NBEA: variants seen among roughly 807,000 people sequenced by gnomAD.
The protein encoded by NBEA is neurobeachin, also known as lysosomal-trafficking regulator 2.
NBEA carries 44 observed loss-of-function variants against 343.4 expected under a neutral mutation model. That is an observed-to-expected ratio of 0.13 (90% CI 0.10 to 0.16). NBEA has a LOEUF of 0.16. Ranked by LOEUF, NBEA falls within the 10% of genes least tolerant of loss-of-function variation. The pLI is 1.00. For missense variants in NBEA, 2,555 were observed against 3,631.3 expected (o/e 0.70, Z 7.62); for synonymous variants, 1,175 against 1,238.7 (o/e 0.95, Z 1.08).
At chr13:35,377,371 T>G (rs1456168077) in intron 38 of NBEA, among the ~76,000 whole-genome samples, 1 of 152,192 alleles carries the variant, frequency 6.6e-6, no homozygotes, top group Non-Finnish European at 1.5e-5. Context: ...ATAGTCAATT[T>G]AGGTTGAACT....
At position 35,459,005 on chromosome 13, in the gene NBEA, G is replaced by A. The variant is rs1485820993; in HGVS notation, c.6448+6770G>A. Among the ~76,000 whole-genome samples, 8 of 100,540 alleles carry A rather than the reference G, an allele frequency of 8.0e-5. No individual in the cohort carries two copies. In the East Asian group the frequency reaches 1.5e-3, roughly 19 times the overall value. 66.0% of individuals were successfully genotyped at this position (100,540 alleles called of 152,430 possible). ...GGTAAGTTTATATTTCTTTACCACC[G>A]CCCCCCCCCCCCCACACACACACAC... On this transcript the variant is annotated intron_variant, in intron 40 of 58. Transcript: ENST00000379939.
At chr13:35,669,101 C>T (rs1462547339) in intron 58 of NBEA, among the ~76,000 whole-genome samples, 2 of 152,126 alleles carry the variant, frequency 1.3e-5, no homozygotes, top group African/African-American at 4.8e-5. Flanking sequence ...CCAGCTCTTT[C>T]TTGGAAAGAG....
chr13:35,251,456 T>G, intron 34 of NBEA: 1 of 1,060,404 alleles, frequency 9.4e-7, no homozygotes, highest in South Asian at 2.9e-5. Flanking sequence ...AACTTATCAC[T>G]CAGAGAGAGC....
At chr13:34,944,722 T>G (rs955046291) in intron 1 of NBEA, among the ~76,000 whole-genome samples, 3 of 152,204 alleles carry the variant, frequency 2.0e-5, no homozygotes, top group Admixed American at 1.3e-4. Context: ...GTAACTGTAT[T>G]TCTGTAATTT....
At chr13:35,177,181 G>T in intron 28 of NBEA, 78 bp downstream of exon 28, 3 of 1,141,526 alleles carry the variant, frequency 2.6e-6, no homozygotes, top group African/African-American at 1.6e-5. Flanking sequence ...TAAGAAAGCT[G>T]CTTATGAAAA....
At chr13:35,548,077 A>G (rs2079145659) in intron 41 of NBEA, among the ~76,000 whole-genome samples, 1 of 152,160 alleles carries the variant, frequency 6.6e-6, no homozygotes, top group Non-Finnish European at 1.5e-5. Context: ...ACACCAGAAC[A>G]GAGAAGAAAA....
intron 28 of NBEA, among the ~76,000 whole-genome samples, 154 bp downstream of exon 28, chr13:35,177,257 T>G (rs529593396): frequency 6.6e-6 from 1 of 151,942 alleles, no homozygotes; most frequent in Non-Finnish European, 1.5e-5. Flanking sequence ...TGGTTGAACC[T>G]TAGCTTTCTC....
chr13:35,314,269 G>GA (rs1167765071), intron 36 of NBEA, among the ~76,000 whole-genome samples: 3 of 152,188 alleles, frequency 2.0e-5, no homozygotes, highest in East Asian at 3.9e-4. Flanking sequence ...ATGGAGAAGA[G>GA]AAAAAACTAA....
intron 44 of NBEA, 26 bp from the exon 45 acceptor site, chr13:35,566,879 T>A: frequency 7.5e-7 from 1 of 1,341,878 alleles, no homozygotes; most frequent in Non-Finnish European, 1.0e-6. Flanking sequence ...TGTGTACAAA[T>A]TTTTATTTCT....
intron 38 of NBEA, among the ~76,000 whole-genome samples, chr13:35,355,203 A>G (rs866669527): frequency 4.4e-5 from 6 of 137,724 alleles, no homozygotes; most frequent in African/African-American, 1.2e-4. Context: ...AGCATGATAT[A>G]TAGTCTTATT....
At chr13:35,324,966 G>A (rs2038441133) in intron 36 of NBEA, among the ~76,000 whole-genome samples, 1 of 152,028 alleles carries the variant, frequency 6.6e-6, no homozygotes, top group Non-Finnish European at 1.5e-5. Context: ...ATCTAATGAA[G>A]CAAATGTGGT....
At chr13:35,075,693 A>T (rs1480087788) in intron 10 of NBEA, among the ~76,000 whole-genome samples, 2 of 145,716 alleles carry the variant, frequency 1.4e-5, no homozygotes, top group African/African-American at 2.4e-5. Context: ...CTTGCTAATT[A>T]ATCAAAGTTA....
chr13:35,159,655 C>A lies in NBEA; in HGVS notation c.3484C>A (p.Leu1162Ile), dbSNP rs772494015. The A allele has an allele frequency of 6.2e-7, 1 of 1,611,306 alleles. No homozygotes were observed. The highest frequency in any genetic ancestry group is 2.2e-5 in the East Asian group (1 of 44,712). The change falls in exon 22 of 59, where the codon CTT becomes ATT. Residue 1162 changes from leucine (L) to isoleucine (I), a missense_variant. By Grantham distance (5) the Leu-to-Ile change is conservative. Transcript: ENST00000379939. ...ACAGGAGGAAAAACTACTTCCTGAA[C>A]TTTCTAGCAATCACATTATTCCAAA... ...PKQEEKLLPELSSNHIIPNIQ... is the reference protein window; with the variant it reads ...PKQEEKLLPEISSNHIIPNIQ...
intron 41 of NBEA, among the ~76,000 whole-genome samples, chr13:35,523,984 T>A (rs1457047818): frequency 6.6e-6 from 1 of 152,220 alleles, no homozygotes; most frequent in Non-Finnish European, 1.5e-5. Flanking sequence ...ACATTGGCTT[T>A]CTATTTTCAT....
chr13:35,471,383 T>TG (rs1301691260), intron 40 of NBEA, among the ~76,000 whole-genome samples: 2 of 152,168 alleles, frequency 1.3e-5, no homozygotes, highest in Non-Finnish European at 2.9e-5. Flanking sequence ...CGACTGTTAT[T>TG]GTGACGCATC....
chr13:34,957,296 G>T (rs938958096), intron 1 of NBEA, among the ~76,000 whole-genome samples: 16 of 151,966 alleles, frequency 1.1e-4, no homozygotes, highest in Admixed American at 9.2e-4. Flanking sequence ...TAATTAAACT[G>T]GGAAGACAGT....
intron 38 of NBEA, among the ~76,000 whole-genome samples, chr13:35,393,804 A>G (rs999156613): frequency 6.6e-6 from 1 of 152,120 alleles, no homozygotes; most frequent in Admixed American, 6.6e-5. Context: ...TCTCCCTTCC[A>G]TTTAGATTTG....
chr13:35,344,684 T>C (rs1474803978), intron 36 of NBEA, among the ~76,000 whole-genome samples: 3 of 151,976 alleles, frequency 2.0e-5, no homozygotes, highest in Admixed American at 6.6e-5. Flanking sequence ...CTAGAAAATA[T>C]ACAGCTTCCT....
At chr13:35,135,174 T>G (rs900129699) in intron 17 of NBEA, among the ~76,000 whole-genome samples, 2 of 152,070 alleles carry the variant, frequency 1.3e-5, no homozygotes, top group African/African-American at 4.8e-5. Context: ...AATGCAGAAC[T>G]GTGTTTTGAT....
Sources: gnomAD v4.1 joint callset for allele counts (sites outside exome capture counted in the v4.1 genomes callset) on GRCh38, gnomAD v4.1.1 for gene constraint, MANE v1.5 for transcripts, NCBI Gene and HGNC (gene_info 2026-07-23, HGNC 2026-07-21) for gene names.